The following PALM2AKAP2 variants were observed in gnomAD, a reference collection of about 807,000 sequenced individuals.
PALM2AKAP2 encodes PALM2-AKAP2 fusion protein.
Under a neutral mutation model 71.5 loss-of-function variants are expected in PALM2AKAP2, and 37 were observed. The ratio of observed to expected loss-of-function variants is 0.52; its 90% CI spans 0.40 to 0.68. PALM2AKAP2 has a LOEUF of 0.68. Among genes scored for constraint, PALM2AKAP2 ranks in the 30% least tolerant of loss-of-function variants. The pLI is 0.00. For synonymous variants in PALM2AKAP2, 468 were observed against 478.8 expected, an observed-to-expected ratio of 0.98 and a Z score of 0.29; for missense variants, 1,224 against 1,191.8, an observed-to-expected ratio of 1.03 and a Z score of -0.40.
At chr9:109,696,890 A>G (rs927309938) in intron 1 of PALM2AKAP2, among the ~76,000 whole-genome samples, 2 of 152,154 alleles carry the variant, frequency 1.3e-5, no homozygotes, top group African/African-American at 4.8e-5. Flanking sequence ...TATCTATTGT[A>G]TATTGTGGTA....
intron 1 of PALM2AKAP2, among the ~76,000 whole-genome samples, chr9:109,694,497 A>G (rs1320235791): frequency 1.3e-5 from 2 of 152,008 alleles, no homozygotes; most frequent in African/African-American, 4.8e-5. Flanking sequence ...AAATCTAGTG[A>G]TACACTTAAC....
chr9:109,675,532 GT>G (rs1271282225), intron 1 of PALM2AKAP2, among the ~76,000 whole-genome samples: 1 of 152,054 alleles, frequency 6.6e-6, no homozygotes, highest in Non-Finnish European at 1.5e-5. Context: ...TACGTATTTA[GT>G]TTTTTAATCA....
At chr9:109,863,320 A>G (rs940645077) in intron 1 of PALM2AKAP2, among the ~76,000 whole-genome samples, 1 of 152,230 alleles carries the variant, frequency 6.6e-6, no homozygotes. Flanking sequence ...CAGAATCAAC[A>G]TGACTTGGTC....
intron 1 of PALM2AKAP2, among the ~76,000 whole-genome samples, chr9:109,842,185 C>G (rs1012076641): frequency 1.3e-5 from 2 of 152,070 alleles, no homozygotes; most frequent in African/African-American, 4.8e-5. Flanking sequence ...TGTTAGAGTC[C>G]AAAGTCGGGT....
At chr9:109,918,166 T>A (rs1003024997) in intron 3 of PALM2AKAP2, among the ~76,000 whole-genome samples, 2 of 152,246 alleles carry the variant, frequency 1.3e-5, no homozygotes, top group African/African-American at 4.8e-5. Flanking sequence ...TCTGATTTAT[T>A]TCTCCATCCC....
chr9:109,741,984 T>A lies in PALM2AKAP2; in HGVS notation c.6-38504T>A, dbSNP rs571175258. ...CATAATAGTGGTCTACTTTGCATAT[T>A]AGATGTTTATTGCACTTTTAATACA... On this transcript the variant is annotated intron_variant, in intron 1 of 6. Coordinates refer to the PALM2AKAP2 transcript ENST00000374531. Among the ~76,000 whole-genome samples the A allele has an allele frequency of 2.5e-4, 38 of 152,324 alleles. 1 individual carries two copies. The East Asian group carries it at 7.1e-3, about 29-fold the overall frequency.
intron 1 of PALM2AKAP2, among the ~76,000 whole-genome samples, chr9:109,732,921 T>C (rs1487228288): frequency 3.3e-5 from 5 of 152,044 alleles, no homozygotes; most frequent in African/African-American, 9.7e-5. Flanking sequence ...ATGGGGTGGG[T>C]ATGTGTGACA....
At chr9:110,044,344 C>CTTTTTTTTTTTT (rs57314430), upstream of PALM2AKAP2, among the ~76,000 whole-genome samples, 17 of 80,154 alleles carry the variant, frequency 2.1e-4, no homozygotes, top group East Asian at 3.5e-4. Context: ...TTCTTTCTTT[C>CTTTTTTTTTTTT]TTTTTTTTTT....
rs1026889321 is a variant in PALM2AKAP2, at chr9:109,655,694, C to T, written c.5+14828C>T. Among the ~76,000 whole-genome samples the T allele has an allele frequency of 5.3e-5, 8 of 152,048 alleles. 1 individual carries two copies. The highest frequency in any genetic ancestry group is 1.7e-4 in the African/African-American group (7 of 41,480). On this transcript the variant is annotated intron_variant, in intron 1 of 6. Coordinates refer to the PALM2AKAP2 transcript ENST00000374531. The stretch of plus-strand genomic sequence containing the variant: ...TATGTAGAATCAAACACTATTTATT[C>T]TTTTGTGTCTGGATAATTTCACTTT...
chr9:110,147,837 TGAG>T (rs1836215672), intron 2 of PALM2AKAP2, among the ~76,000 whole-genome samples: 1 of 152,208 alleles, frequency 6.6e-6, no homozygotes, highest in Non-Finnish European at 1.5e-5. Flanking sequence ...GCAGCAGTTG[TGAG>T]CCTGAAATAA....
intron 3 of PALM2AKAP2, among the ~76,000 whole-genome samples, chr9:110,165,530 GATTTCACTAGAA>G (rs1404139298): frequency 2.0e-5 from 3 of 152,114 alleles, no homozygotes; most frequent in African/African-American, 7.2e-5. Flanking sequence ...AGAGGCTTTA[GATTTCACTAGAA>G]ATTTATTGTA....
At chr9:110,066,641 G>A (rs937601469) in intron 1 of PALM2AKAP2, among the ~76,000 whole-genome samples, 2 of 151,620 alleles carry the variant, frequency 1.3e-5, no homozygotes, top group African/African-American at 4.9e-5. Context: ...TAAGGTGGCA[G>A]TGAGCTATGA....
In PALM2AKAP2 at chr9:110,106,898, C is replaced by T. The variant is rs1452301864; in HGVS notation, c.157-29229C>T. Among the ~76,000 whole-genome samples the T allele has an allele frequency of 4.6e-5, 7 of 152,318 alleles. No homozygotes were observed. In the East Asian group the frequency reaches 5.8e-4, roughly 13 times the overall value. Reference sequence around the variant, plus strand: ...CAATTAGCCCCAGGGTGAAAGAGGTCTCCCTCTCTCCAGTCTGTTTTTGCT... The same window carrying T: ...CAATTAGCCCCAGGGTGAAAGAGGTTTCCCTCTCTCCAGTCTGTTTTTGCT... On this transcript the variant is annotated intron_variant, in intron 1 of 3. Coordinates refer to ENST00000374525, the Ensembl canonical transcript of PALM2AKAP2.
At chr9:109,823,045 G>A (rs999125946) in intron 1 of PALM2AKAP2, among the ~76,000 whole-genome samples, 1 of 152,154 alleles carries the variant, frequency 6.6e-6, no homozygotes. Flanking sequence ...TAGTGTCTAA[G>A]TTTTCATGTC....
At chr9:109,711,116 A>G (rs1465944758) in intron 1 of PALM2AKAP2, among the ~76,000 whole-genome samples, 1 of 152,104 alleles carries the variant, frequency 6.6e-6, no homozygotes, top group Non-Finnish European at 1.5e-5. Flanking sequence ...CCATATTTGG[A>G]CATTGTTGCC....
At chr9:110,028,616 TG>T (rs1214540855) in intron 7 of PALM2AKAP2, among the ~76,000 whole-genome samples, 1 of 152,162 alleles carries the variant, frequency 6.6e-6, no homozygotes, top group Non-Finnish European at 1.5e-5. Flanking sequence ...AAGGACACTT[TG>T]TAGCCTCTCT....
chr9:109,642,496 A>T (rs1247746313), intron 1 of PALM2AKAP2, among the ~76,000 whole-genome samples: 2 of 149,060 alleles, frequency 1.3e-5, no homozygotes, highest in Non-Finnish European at 3.0e-5. Context: ...AAAAACCGCA[A>T]ATTACTGTTG....
intron 6 of PALM2AKAP2, among the ~76,000 whole-genome samples, chr9:109,958,112 A>G (rs1831782512): frequency 1.3e-5 from 2 of 151,800 alleles, no homozygotes; most frequent in Non-Finnish European, 2.9e-5. Flanking sequence ...TTTCCTTCCC[A>G]TTACAAAAGA....
At chr9:109,729,764 A>G (rs1296979493) in intron 1 of PALM2AKAP2, among the ~76,000 whole-genome samples, 2 of 152,180 alleles carry the variant, frequency 1.3e-5, no homozygotes, top group African/African-American at 4.8e-5. Flanking sequence ...GGACCTGTTT[A>G]AATTTCTGTG....
Sources: gnomAD v4.1 joint callset for allele counts (sites outside exome capture counted in the v4.1 genomes callset) on GRCh38, gnomAD v4.1.1 for gene constraint, MANE v1.5 for transcripts, NCBI Gene and HGNC (gene_info 2026-07-23, HGNC 2026-07-21) for gene names.